The following NHSL2 variants were observed in gnomAD, a reference collection of about 807,000 sequenced individuals.
NHSL2 encodes NHS-like protein 2.
Under a neutral mutation model 53.4 loss-of-function variants are expected in NHSL2, and 27 were observed. The ratio of observed to expected loss-of-function variants is 0.51; its 90% CI spans 0.37 to 0.70. The LOEUF is 0.70. Ranked by LOEUF, NHSL2 falls within the 30% of genes least tolerant of loss-of-function variation. The probability of loss-of-function intolerance (pLI) is 0.00; values close to 1 mark genes in which losing one functional copy is unlikely to be tolerated. For synonymous variants in NHSL2, 408 were observed against 404.1 expected (o/e 1.01, Z -0.12); for missense variants, 892 against 980.1 (o/e 0.91, Z 1.20).
chrX:71,981,288 C>T (rs1033598562), intron 1 of NHSL2, among the ~76,000 whole-genome samples: 6 of 112,446 alleles, frequency 5.3e-5, no homozygotes, highest in African/African-American at 1.6e-4. Context: ...GTGGCTCACG[C>T]CAGTAATCCC....
In NHSL2 at chrX:72,139,374, G is replaced by A. The variant is rs1319028882; in HGVS notation, c.1826G>A (p.Gly609Glu). The A allele has an allele frequency of 4.1e-6, 5 of 1,210,218 alleles. No individual in the cohort carries two copies. Among genetic ancestry groups the A allele is most frequent in the Non-Finnish European group, 5.6e-6 (5 of 894,541 alleles). ...KSLCLSLEHQ[G>E]HHSSHPDAQG... is the part of the protein sequence containing the mutation. ...CTTTGCCTCTCCTTGGAACATCAAGGACATCACTCGTCCCACCCAGATGCT... is the reference window on the plus strand; with the variant it reads ...CTTTGCCTCTCCTTGGAACATCAAGAACATCACTCGTCCCACCCAGATGCT... Residue 609 changes from glycine (G) to glutamate (E), a missense_variant, in exon 6 of 8, where the codon GGA (glycine) becomes GAA (glutamate). Physicochemically the swap from Gly to Glu is moderately conservative, Grantham distance 98 (BLOSUM62 -2). Coordinates refer to ENST00000633930, the MANE Select transcript of NHSL2 (RefSeq NM_001013627.3).
At chrX:71,948,852 T>TG (rs2041806638) in intron 1 of NHSL2, among the ~76,000 whole-genome samples, 1 of 10,803 alleles carries the variant, frequency 9.3e-5, no homozygotes, top group Admixed American at 1.2e-3. Context: ...TGTAGTTTTG[T>TG]TTTTTTTTTT....
rs1474500955 is a variant in NHSL2 at position 72,143,419 on chromosome X, G to A, written c.3523G>A (p.Asp1175Asn). 8.6e-7 allele frequency: 1 copy of A among 1,167,582 alleles called. No individual in the cohort carries two copies. Among genetic ancestry groups the A allele is most frequent in the Admixed American group, 2.6e-5 (1 of 38,753 alleles). ...CAACCTAGATGCTGGCAGAAATGAC[G>A]ATTTCAAGGCCTTGCTACAGAAGAA... ...SANLDAGRND[D>N]FKALLQKKGS... The change falls in exon 8 of 8, where the codon GAT becomes AAT. Residue 1175 changes from aspartate (D) to asparagine (N), a missense_variant. By Grantham distance (23) the Asp-to-Asn change is conservative. Coordinates refer to ENST00000633930, the MANE Select transcript of NHSL2 (RefSeq NM_001013627.3).
In NHSL2 at chrX:71,964,031, A is replaced by ATATATATG. The variant is rs1569467132; in HGVS notation, c.280+52671_280+52672insGTATATAT. Among the ~76,000 whole-genome samples, 153 of 40,216 alleles carry ATATATATG rather than the reference A, an allele frequency of 3.8e-3. 10 individuals are homozygous for ATATATATG. The highest frequency in any genetic ancestry group is 0.023 in the African/African-American group (151 of 6,495). The allele number at this position is 40,216 out of a possible 115,157, so 34.9% of individuals were successfully genotyped here. A position where few individuals can be genotyped will look rare whatever the true frequency, so the allele number is the denominator to read the frequency against. On this transcript the variant is annotated intron_variant, in intron 1 of 7. Transcript: ENST00000633930. ...TATATGTATATATATATATGTGTATATATATATATATGTATATATATATAT... is the reference window on the plus strand; with the variant it reads ...TATATGTATATATATATATGTGTATATATATATGTATATATATATGTATATATATATAT...
chrX:71,934,251 A>C (rs2041727189), intron 1 of NHSL2, among the ~76,000 whole-genome samples: 1 of 112,106 alleles, frequency 8.9e-6, no homozygotes, highest in Non-Finnish European at 1.9e-5. Flanking sequence ...TAGGTTTGTT[A>C]ATTGCACACT....
At chrX:71,925,657 G>C (rs2041681111) in intron 1 of NHSL2, among the ~76,000 whole-genome samples, 1 of 111,264 alleles carries the variant, frequency 9.0e-6, no homozygotes, top group South Asian at 3.8e-4. Flanking sequence ...AAAAACCTTT[G>C]GACAAAAACC....
At chrX:72,048,812 CAG>C (rs201165381) in intron 1 of NHSL2, among the ~76,000 whole-genome samples, 2,498 of 109,626 alleles carry the variant, frequency 0.023, 85 homozygotes, top group African/African-American at 0.08. Flanking sequence ...GATTAGAACA[CAG>C]AGTCTTTGCA....
At position 72,033,806 on chromosome X, in the gene NHSL2, C is replaced by CTA. The variant is rs768051099; in HGVS notation, c.281-98262_281-98261dup. ...TTTTGTGTAGATTGCTTGGGATTTT[C>CTA]TATATATATATAATTATGTCGTCTG... On this transcript the variant is annotated intron_variant, in intron 1 of 7. Coordinates refer to ENST00000633930, the MANE Select transcript of NHSL2 (RefSeq NM_001013627.3). Among the ~76,000 whole-genome samples, 5 of 110,095 alleles carry CTA rather than the reference C, an allele frequency of 4.5e-5. No homozygotes were observed. In the South Asian group the frequency reaches 1.1e-3, roughly 25 times the overall value.
At chrX:71,947,253 G>A (rs749432353) in intron 1 of NHSL2, among the ~76,000 whole-genome samples, 59 of 111,470 alleles carry the variant, frequency 5.3e-4, no homozygotes, top group Non-Finnish European at 7.9e-4. Context: ...AGCCCATCAG[G>A]GCTTCCCTCT....
intron 1 of NHSL2, among the ~76,000 whole-genome samples, chrX:72,071,746 C>T (rs1478838573): frequency 8.9e-6 from 1 of 111,970 alleles, no homozygotes. Context: ...GCTTAGTGAC[C>T]CCACTGTCTT....
chrX:72,093,730 C>CTTTCTTTCTTTCT (rs2041918855), intron 1 of NHSL2, among the ~76,000 whole-genome samples: 1 of 82,645 alleles, frequency 1.2e-5, no homozygotes, highest in African/African-American at 4.1e-5. Context: ...TGCTTTCTTT[C>CTTTCTTTCTTTCT]TTTCTTTCTT....
intron 1 of NHSL2, among the ~76,000 whole-genome samples, chrX:72,089,128 TTCTACTTGTG>T (rs1376498765): frequency 9.0e-6 from 1 of 111,236 alleles, no homozygotes; most frequent in Non-Finnish European, 1.9e-5. Flanking sequence ...CTAGATCACT[TTCTACTTGTG>T]TCACCTTGAA....
At chrX:72,085,172 A>AGACCCCCCTGGCTGGGAT (rs1188811116) in intron 1 of NHSL2, among the ~76,000 whole-genome samples, 3 of 111,713 alleles carry the variant, frequency 2.7e-5, no homozygotes, top group Non-Finnish European at 5.6e-5. Context: ...ACTGCAAGTC[A>AGACCCCCCTGGCTGGGAT]GACCCCCCTG....
chrX:72,134,634 C>T lies in NHSL2; in HGVS notation c.690C>T (p.Pro230=). ...CCTGGAATAGCCTTTTCCCTCTGCC[C>T]ATCCTAGAGGAGAAGCGGTGGCCTC... ...QTAWNSLFPL[P]ILEEKRWPQL... is the part of the protein sequence containing the mutation. Residue 230 remains proline, a synonymous_variant, in exon 4 of 8, where the codon CCC becomes CCT. Transcript: ENST00000633930. The T allele has an allele frequency of 6.0e-6, 7 of 1,166,845 alleles. No homozygotes were observed. Among genetic ancestry groups the T allele is most frequent in the Non-Finnish European group, 6.9e-6 (6 of 871,657 alleles).
intron 1 of NHSL2, among the ~76,000 whole-genome samples, chrX:72,078,307 C>T (rs2041760942): frequency 8.9e-6 from 1 of 112,385 alleles, no homozygotes; most frequent in Non-Finnish European, 1.9e-5. Flanking sequence ...AAAACTGGTG[C>T]AATGGTTCTC....
At chrX:71,991,080 G>C (rs745316702) in intron 1 of NHSL2, among the ~76,000 whole-genome samples, 1 of 112,819 alleles carries the variant, frequency 8.9e-6, no homozygotes, top group African/African-American at 3.2e-5. Context: ...CTGACCAGTT[G>C]GGTGACCTTG....
chrX:72,109,097 A>G (rs966218986), intron 1 of NHSL2, among the ~76,000 whole-genome samples: 1 of 110,359 alleles, frequency 9.1e-6, no homozygotes, highest in Non-Finnish European at 1.9e-5. Flanking sequence ...TATCATTCAG[A>G]TCTCCTCTGC....
At chrX:72,103,185 G>C (rs1481754528) in intron 1 of NHSL2, among the ~76,000 whole-genome samples, 3 of 112,158 alleles carry the variant, frequency 2.7e-5, no homozygotes, top group Non-Finnish European at 5.6e-5. Context: ...GGAAAGCTTG[G>C]ATTTGGAACT....
chrX:72,031,614 G>C (rs1055099118), intron 1 of NHSL2, among the ~76,000 whole-genome samples: 1 of 111,083 alleles, frequency 9.0e-6, no homozygotes, highest in Admixed American at 9.5e-5. Context: ...GTGTTGTCAT[G>C]AGAATTAAAT....
Sources: allele counts gnomAD v4.1 joint callset (sites outside exome capture counted in the v4.1 genomes callset), GRCh38; gene constraint gnomAD v4.1.1; transcripts MANE v1.5; gene names NCBI Gene and HGNC (gene_info 2026-07-23, HGNC 2026-07-21).